RERE: variants seen among roughly 807,000 people sequenced by gnomAD.
RERE encodes arginine-glutamic acid dipeptide repeats, also known as arginine-glutamic acid dipeptide repeats protein.
Under a neutral mutation model 146.1 loss-of-function variants are expected in RERE, and 40 were observed. The observed-to-expected ratio is 0.27, with a 90% CI of 0.21 to 0.36. The LOEUF (loss-of-function observed/expected upper bound fraction) is 0.36. RERE is among the 10% of genes least tolerant of loss of function. RERE has a pLI of 1.00. For synonymous variants in RERE, 1,003 were observed against 866.0 expected (o/e 1.16, Z -2.78); for missense variants, 1,933 against 2,138.7 (o/e 0.90, Z 1.90).
intron 1 of RERE, among the ~76,000 whole-genome samples, chr1:8,688,807 C>T (rs1449531389): frequency 1.3e-5 from 2 of 152,090 alleles, no homozygotes; most frequent in African/African-American, 2.4e-5. Context: ...TGATTTTGCC[C>T]AACTGTAGGC....
chr1:8,699,216 C>T (rs1488811934), intron 1 of RERE, among the ~76,000 whole-genome samples: 2 of 152,078 alleles, frequency 1.3e-5, no homozygotes, highest in Non-Finnish European at 2.9e-5. Context: ...TTTCGTAAAC[C>T]CTCTAGGTAG....
At chr1:8,770,633 G>A (rs1640930833) in intron 1 of RERE, among the ~76,000 whole-genome samples, 1 of 152,178 alleles carries the variant, frequency 6.6e-6, no homozygotes, top group African/African-American at 2.4e-5. Context: ...GTGGCAAACT[G>A]TAAGCACTCA....
At chr1:8,660,446 T>C (rs536009919) in intron 1 of RERE, among the ~76,000 whole-genome samples, 12 of 152,338 alleles carry the variant, frequency 7.9e-5, no homozygotes, top group Admixed American at 2.6e-4. Flanking sequence ...AGTCCCTCAT[T>C]TGATTCTTCC....
intron 7 of RERE, chr1:8,512,794 A>C (rs1417135614): frequency 6.6e-6 from 1 of 151,470 alleles, no homozygotes; most frequent in Non-Finnish European, 1.5e-5. Context: ...GGGGGTAAAA[A>C]CCCTGGGTTC....
intron 1 of RERE, among the ~76,000 whole-genome samples, chr1:8,790,985 A>C (rs1289004421): frequency 6.6e-6 from 1 of 152,250 alleles, no homozygotes; most frequent in Non-Finnish European, 1.5e-5. Flanking sequence ...CTCCTTTTCC[A>C]AAGAAGGGAC....
At chr1:8,475,361 G>A (rs1399729986) in intron 10 of RERE, among the ~76,000 whole-genome samples, 13 of 135,798 alleles carry the variant, frequency 9.6e-5, no homozygotes, top group East Asian at 2.4e-4. Flanking sequence ...GTGACAGAGC[G>A]AGATTCTGTC....
chr1:8,468,220 T>C (rs1217231090), intron 10 of RERE, among the ~76,000 whole-genome samples: 1 of 152,200 alleles, frequency 6.6e-6, no homozygotes, highest in Non-Finnish European at 1.5e-5. Context: ...TTCGTATTTA[T>C]TATTACCATT....
At chr1:8,426,792 A>AC in intron 11 of RERE, among the ~76,000 whole-genome samples, 1 of 151,866 alleles carries the variant, frequency 6.6e-6, no homozygotes, top group South Asian at 2.1e-4. Flanking sequence ...ACACTGGGGG[A>AC]CCTCTGTCTC....
At chr1:8,575,383 C>CTT (rs57789307) in intron 4 of RERE, among the ~76,000 whole-genome samples, 48 of 135,460 alleles carry the variant, frequency 3.5e-4, no homozygotes, top group African/African-American at 1.0e-3. Flanking sequence ...AAAAAGTAAC[C>CTT]TTTTTTTTTT....
intron 4 of RERE, among the ~76,000 whole-genome samples, chr1:8,559,852 T>C (rs766953679): frequency 1.3e-5 from 2 of 152,160 alleles, no homozygotes; most frequent in Non-Finnish European, 2.9e-5. Context: ...TCTAACTCTA[T>C]TGCTGACCAA....
chr1:8,730,334 GTTTTT>G (rs777857928), intron 1 of RERE, among the ~76,000 whole-genome samples: 1 of 151,792 alleles, frequency 6.6e-6, no homozygotes, highest in Non-Finnish European at 1.5e-5. Context: ...TGTTTTTGGG[GTTTTT>G]TTTGTTTTTG....
At chr1:8,355,335 G>T (rs1311185870) in intron 22 of RERE, 84 bp downstream of exon 22, 2 of 1,444,252 alleles carry the variant, frequency 1.4e-6, no homozygotes, top group Admixed American at 3.6e-5. Flanking sequence ...GGCAGAGGGG[G>T]AGGAGCCTGG....
intron 10 of RERE, among the ~76,000 whole-genome samples, chr1:8,484,486 C>T (rs772057295): frequency 7.3e-5 from 11 of 150,256 alleles, no homozygotes; most frequent in Admixed American, 2.0e-4. Flanking sequence ...AGTGCAGTAG[C>T]GCCATCTCGG....
At chr1:8,675,930 T>C (rs1239559821) in intron 1 of RERE, among the ~76,000 whole-genome samples, 2 of 152,212 alleles carry the variant, frequency 1.3e-5, no homozygotes, top group African/African-American at 4.8e-5. Flanking sequence ...GAGCATTTCT[T>C]TTGAGCATCA....
intron 1 of RERE, among the ~76,000 whole-genome samples, chr1:8,800,930 A>G (rs745868645): frequency 6.6e-6 from 1 of 151,944 alleles, no homozygotes; most frequent in East Asian, 1.9e-4. Context: ...GCGCCACTGC[A>G]CTCCACCTGG....
chr1:8,357,060 C>G (rs990552202), intron 20 of RERE, among the ~76,000 whole-genome samples: 7 of 152,214 alleles, frequency 4.6e-5, no homozygotes, highest in Non-Finnish European at 8.8e-5. Context: ...GCCCAGCTCT[C>G]CTGATCCCCT....
intron 13 of RERE, 88 bp downstream of exon 13, chr1:8,365,724 G>T: frequency 1.4e-6 from 2 of 1,467,080 alleles, no homozygotes; most frequent in Middle Eastern, 4.2e-4. Context: ...GCTTCCCGGA[G>T]CCATCAGCTC....
At chr1:8,760,483 G>A (rs1056807971) in intron 1 of RERE, among the ~76,000 whole-genome samples, 6 of 152,204 alleles carry the variant, frequency 3.9e-5, no homozygotes. Flanking sequence ...AGTATCTGCA[G>A]GGACCTGGTA....
rs951661312 is a variant in RERE, at chr1:8,353,149, C to T, written c.*1938G>A. 2.0e-5 allele frequency: 3 copies of T among 152,380 alleles called. No homozygotes were observed. Among genetic ancestry groups the T allele is most frequent in the South Asian group, 2.1e-4 (1 of 4,812 alleles). The allele number at this position is 152,380 out of a possible 1,614,324, so 9.4% of individuals were successfully genotyped here. ...CAAGCCAATGTGGCCTGAAGTCCCA[C>T]GACAAAAGGTTCATGTCAGCTTTGC... is the stretch of plus-strand genomic sequence containing the variant. On this transcript the variant is annotated 3_prime_UTR_variant, in exon 23 of 23. Transcript: ENST00000400908.
Sources: gnomAD v4.1 joint callset for allele counts (sites outside exome capture counted in the v4.1 genomes callset) on GRCh38, gnomAD v4.1.1 for gene constraint, MANE v1.5 for transcripts, NCBI Gene and HGNC (gene_info 2026-07-23, HGNC 2026-07-21) for gene names.